The following CCSER1 variants were observed in gnomAD, a reference collection of about 807,000 sequenced individuals.
CCSER1 encodes coiled-coil serine rich protein 1.
Under a neutral mutation model 82.0 loss-of-function variants are expected in CCSER1, and 41 were observed. The observed-to-expected ratio is 0.50, with a 90% CI of 0.39 to 0.65. The LOEUF is 0.65. Ranked by LOEUF, CCSER1 falls within the 30% of genes least tolerant of loss-of-function variation. CCSER1 has a pLI of 0.00. For synonymous variants in CCSER1, 414 were observed against 383.9 expected (o/e 1.08, Z -0.92); for missense variants, 1,119 against 1,064.2 (o/e 1.05, Z -0.72).
chr4:90,255,851 G>A (rs1325064762), intron 1 of CCSER1, among the ~76,000 whole-genome samples: 1 of 152,110 alleles, frequency 6.6e-6, no homozygotes, highest in African/African-American at 2.4e-5. Context: ...CACTTTACAT[G>A]TATAATGTCA....
chr4:90,511,863 C>T (rs539208538), intron 5 of CCSER1, among the ~76,000 whole-genome samples: 1 of 151,864 alleles, frequency 6.6e-6, no homozygotes, highest in South Asian at 2.1e-4. Flanking sequence ...CACAAAGAAC[C>T]CAGACAAAGA....
intron 10 of CCSER1, among the ~76,000 whole-genome samples, chr4:91,421,773 A>C (rs1753695307): frequency 6.6e-6 from 1 of 151,922 alleles, no homozygotes. Context: ...TACACTTATC[A>C]ATTAAATATT....
intron 10 of CCSER1, among the ~76,000 whole-genome samples, chr4:91,440,246 A>G (rs1041332194): frequency 1.3e-5 from 2 of 152,162 alleles, no homozygotes; most frequent in Non-Finnish European, 2.9e-5. Flanking sequence ...ATAAAAGAAC[A>G]GAAATTAGAA....
At chr4:90,904,294 A>G (rs1181543919) in intron 8 of CCSER1, among the ~76,000 whole-genome samples, 2 of 151,930 alleles carry the variant, frequency 1.3e-5, no homozygotes, top group African/African-American at 4.8e-5. Context: ...CACTCTCTGC[A>G]CTCATTTGTG....
chr4:90,873,458 C>G (rs1245426406), intron 8 of CCSER1, among the ~76,000 whole-genome samples: 1 of 151,990 alleles, frequency 6.6e-6, no homozygotes, highest in African/African-American at 2.4e-5. Context: ...TTGGAGGGTT[C>G]TATTTTACTA....
In CCSER1 at chr4:90,966,936, A is replaced by T. The variant is rs116049588; in HGVS notation, c.2172+43489A>T. On this transcript the variant is annotated intron_variant, in intron 9 of 10. Coordinates refer to ENST00000509176, the MANE Select transcript of CCSER1 (RefSeq NM_001145065.2). ...CATGGAAATACAAAGTACATAAAATATCCAAAACAATCTTGAAAATGAAAA... is the reference window on the plus strand; with the variant it reads ...CATGGAAATACAAAGTACATAAAATTTCCAAAACAATCTTGAAAATGAAAA... Among the ~76,000 whole-genome samples, 166 of 152,238 alleles carry T rather than the reference A, an allele frequency of 1.1e-3. 2 individuals carry two copies. Among genetic ancestry groups the T allele is most frequent in the Admixed American group, 5.2e-3 (79 of 15,300 alleles).
intron 6 of CCSER1, among the ~76,000 whole-genome samples, chr4:90,697,304 C>T (rs908253426): frequency 5.3e-5 from 8 of 152,072 alleles, no homozygotes; most frequent in Non-Finnish European, 1.2e-4. Context: ...CAGAAGCCTG[C>T]GCAAGATTGT....
chr4:91,338,825 T>C (rs1311580339), intron 10 of CCSER1, among the ~76,000 whole-genome samples: 1 of 152,178 alleles, frequency 6.6e-6, no homozygotes, highest in Non-Finnish European at 1.5e-5. Flanking sequence ...TAAAATTTCC[T>C]GGTGATGCCC....
intron 1 of CCSER1, among the ~76,000 whole-genome samples, chr4:90,142,686 G>A (rs1578167654): frequency 1.3e-5 from 2 of 151,860 alleles, no homozygotes; most frequent in South Asian, 2.1e-4. Flanking sequence ...TTATTGTGCG[G>A]TTTTTCTTGA....
intron 1 of CCSER1, among the ~76,000 whole-genome samples, chr4:90,229,278 G>T (rs151160118): frequency 6.6e-6 from 1 of 152,084 alleles, no homozygotes; most frequent in East Asian, 1.9e-4. Flanking sequence ...TCTCTCAGCA[G>T]AAATTCTACA....
chr4:91,535,418 A>G (rs28690898), intron 10 of CCSER1, among the ~76,000 whole-genome samples: 103,119 of 151,726 alleles, frequency 0.68, 35,678 homozygotes, highest in African/African-American at 0.81. Context: ...TTATTTTGGA[A>G]GGTGAGAATG....
At chr4:90,687,588 G>A (rs938922304) in intron 6 of CCSER1, among the ~76,000 whole-genome samples, 1 of 152,094 alleles carries the variant, frequency 6.6e-6, no homozygotes, top group African/African-American at 2.4e-5. Context: ...CTTTAGAAGT[G>A]CTTCCTTTTC....
chr4:90,598,105 A>G (rs1055927097), intron 5 of CCSER1, among the ~76,000 whole-genome samples: 1 of 152,138 alleles, frequency 6.6e-6, no homozygotes, highest in Admixed American at 6.6e-5. Flanking sequence ...TAAACATGAC[A>G]GTGTAGCTAT....
At chr4:90,804,432 G>A (rs1187751223) in intron 7 of CCSER1, among the ~76,000 whole-genome samples, 2 of 152,040 alleles carry the variant, frequency 1.3e-5, no homozygotes, top group East Asian at 1.9e-4. Context: ...TTCTGCATAC[G>A]TCTAGCCAGT....
At chr4:90,241,597 C>T (rs1746848086) in intron 1 of CCSER1, among the ~76,000 whole-genome samples, 2 of 152,056 alleles carry the variant, frequency 1.3e-5, no homozygotes, top group Admixed American at 6.5e-5. Flanking sequence ...TCTAGAAACA[C>T]TGTTATTCCT....
chr4:91,550,384 A>G (rs957270411), intron 10 of CCSER1, among the ~76,000 whole-genome samples: 2 of 152,138 alleles, frequency 1.3e-5, no homozygotes, highest in African/African-American at 4.8e-5. Flanking sequence ...CCAGCAATTC[A>G]TCAATTACAG....
At chr4:91,085,422 T>TA (rs1396802475) in intron 9 of CCSER1, among the ~76,000 whole-genome samples, 1 of 152,164 alleles carries the variant, frequency 6.6e-6, no homozygotes, top group African/African-American at 2.4e-5. Flanking sequence ...ATTAGGAACT[T>TA]AAAGTGGATC....
intron 9 of CCSER1, among the ~76,000 whole-genome samples, chr4:90,930,408 T>G (rs981278511): frequency 2.0e-5 from 3 of 151,798 alleles, no homozygotes; most frequent in Admixed American, 6.6e-5. Flanking sequence ...GAGGCCATCC[T>G]GGCTAACACG....
In CCSER1 at chr4:91,000,798, G is replaced by A. The variant is rs186718422; in HGVS notation, c.2172+77351G>A. Among the ~76,000 whole-genome samples the A allele has an allele frequency of 1.5e-4, 23 of 152,284 alleles. No individual in the cohort carries two copies. The East Asian group carries it at 4.2e-3, about 28-fold the overall frequency. On this transcript the variant is annotated intron_variant, in intron 9 of 10. Coordinates refer to ENST00000509176, the MANE Select transcript of CCSER1 (RefSeq NM_001145065.2). ...TTTTGTATCCTGAAACTCTGCTGAAGTTGTTTATCAGTTCCAGGAGTTTTC... is the reference window on the plus strand; with the variant it reads ...TTTTGTATCCTGAAACTCTGCTGAAATTGTTTATCAGTTCCAGGAGTTTTC...
Sources: gnomAD v4.1 joint callset for allele counts (sites outside exome capture counted in the v4.1 genomes callset) on GRCh38, gnomAD v4.1.1 for gene constraint, MANE v1.5 for transcripts, NCBI Gene and HGNC (gene_info 2026-07-23, HGNC 2026-07-21) for gene names.